SKI: variants seen among roughly 807,000 people sequenced by gnomAD.
SKI encodes SKI proto-oncogene.
In SKI, 23 loss-of-function variants were observed where a neutral mutation model predicts 59.3. The observed-to-expected ratio is 0.39, with a 90% CI of 0.28 to 0.55. SKI has a LOEUF of 0.55. Among genes scored for constraint, SKI ranks in the 20% least tolerant of loss-of-function variants. The pLI, the probability that SKI is intolerant of heterozygous loss-of-function variation, is 0.67. For synonymous variants in SKI, 673 were observed against 488.6 expected (o/e 1.38, Z -4.98); for missense variants, 1,017 against 1,038.9 (o/e 0.98, Z 0.29).
intron 1 of SKI, chr1:2,240,827 A>G (rs1638854762): frequency 1.0e-6 from 1 of 984,438 alleles, no homozygotes; most frequent in South Asian, 4.7e-5. Flanking sequence ...TCTTAGGAAA[A>G]TCCGTGCTGC....
chr1:2,274,692 T>G (rs2100860706), intron 1 of SKI, among the ~76,000 whole-genome samples: 1 of 152,076 alleles, frequency 6.6e-6, no homozygotes, highest in East Asian at 1.9e-4. Context: ...GCCATGACAG[T>G]TGGTTGATGG....
intron 1 of SKI, among the ~76,000 whole-genome samples, chr1:2,245,799 T>G (rs1235526816): frequency 7.7e-6 from 1 of 130,648 alleles, no homozygotes; most frequent in Non-Finnish European, 1.6e-5. Context: ...TTTTTTTTTT[T>G]TTTTTTTTTT....
At chr1:2,285,515 C>CA (rs200993485) in intron 1 of SKI, among the ~76,000 whole-genome samples, 3,060 of 149,450 alleles carry the variant, frequency 0.02, 151 homozygotes, top group East Asian at 0.2. Context: ...AAGTCTGTCT[C>CA]AAAAACAAAC....
At chr1:2,292,618 C>T (rs1640185397) in intron 1 of SKI, among the ~76,000 whole-genome samples, 1 of 152,186 alleles carries the variant, frequency 6.6e-6, no homozygotes, top group Non-Finnish European at 1.5e-5. Context: ...GGGCTGTGGT[C>T]ATCACCCACA....
At chr1:2,286,751 C>A (rs1640047427) in intron 1 of SKI, among the ~76,000 whole-genome samples, 1 of 152,186 alleles carries the variant, frequency 6.6e-6, no homozygotes, top group African/African-American at 2.4e-5. Context: ...CCCTCCCTCC[C>A]AAGGCTCCGG....
chr1:2,283,927 C>T (rs1639974181), intron 1 of SKI, among the ~76,000 whole-genome samples: 1 of 152,166 alleles, frequency 6.6e-6, no homozygotes, highest in Non-Finnish European at 1.5e-5. Flanking sequence ...TGTGGCGTCC[C>T]CTTCCTGCAG....
intron 1 of SKI, among the ~76,000 whole-genome samples, chr1:2,262,879 T>C (rs1639418038): frequency 6.6e-6 from 1 of 152,226 alleles, no homozygotes; most frequent in Non-Finnish European, 1.5e-5. Context: ...ATTATTATTT[T>C]AGAATATTGT....
At position 2,229,335 on chromosome 1, in the gene SKI, T is replaced by C; in HGVS notation, c.569T>C (p.Leu190Pro). 6.3e-7 allele frequency: 1 copy of C among 1,595,546 alleles called. No homozygotes were observed. Among genetic ancestry groups the C allele is most frequent in the Non-Finnish European group, 8.5e-7 (1 of 1,171,642 alleles). Reference protein sequence around the residue: ...TDAERLCNALLYGGAYPPPCK... With the variant: ...TDAERLCNALPYGGAYPPPCK... Reference sequence around the variant, plus strand: ...GCCGAGCGCCTGTGCAACGCGCTGCTCTACGGCGGCGCCTACCCGCCGCCC... The same window carrying C: ...GCCGAGCGCCTGTGCAACGCGCTGCCCTACGGCGGCGCCTACCCGCCGCCC... The change falls in exon 1 of 7, where the codon CTC becomes CCC. Residue 190 changes from leucine (L) to proline (P), a missense_variant. Leu to Pro is a moderately conservative substitution (Grantham distance 98, BLOSUM62 -3). Coordinates refer to ENST00000378536, the MANE Select transcript of SKI (RefSeq NM_003036.4). This position sits in a 1 kb window ranked among gnomAD's most constrained non-coding sequence, Gnocchi z 6.3.
At chr1:2,244,682 T>C (rs986084633) in intron 1 of SKI, among the ~76,000 whole-genome samples, 1 of 152,230 alleles carries the variant, frequency 6.6e-6, no homozygotes, top group Non-Finnish European at 1.5e-5. Flanking sequence ...TGCTTTTTGG[T>C]GGGTTGATTG....
At position 2,306,615 on chromosome 1, in the gene SKI, G is replaced by C. The variant is rs1189329416; in HGVS notation, c.2037G>C (p.Ala679=). 2 of 1,544,782 alleles carry C rather than the reference G, an allele frequency of 1.3e-6. No individual in the cohort carries two copies. The highest frequency in any genetic ancestry group is 1.4e-5 in the African/African-American group (1 of 72,752). Reference sequence around the variant, plus strand: ...AGGTGAAGCTGCAGCACGCGGAGGCGGACCGGGAGCAGCTGCGGGCCGACC... The same window carrying C: ...AGGTGAAGCTGCAGCACGCGGAGGCCGACCGGGAGCAGCTGCGGGCCGACC... The part of the protein sequence containing the change: ...DLQVKLQHAE[A]DREQLRADLL... Residue 679 remains alanine (A), a synonymous_variant, in exon 7 of 7, where the codon GCG becomes GCC. Coordinates refer to ENST00000378536, the MANE Select transcript of SKI (RefSeq NM_003036.4).
chr1:2,244,139 G>A (rs150121003), intron 1 of SKI, among the ~76,000 whole-genome samples: 14,008 of 151,852 alleles, frequency 0.092, 1,588 homozygotes, highest in East Asian at 0.6. Flanking sequence ...ATAATTTTTT[G>A]TATTTTTAGT....
At chr1:2,252,933 T>A (rs1639194244) in intron 1 of SKI, among the ~76,000 whole-genome samples, 1 of 151,914 alleles carries the variant, frequency 6.6e-6, no homozygotes, top group Non-Finnish European at 1.5e-5. Context: ...CCATCTCTAC[T>A]GAAAATACAA....
At chr1:2,238,794 C>G (rs1328433815) in intron 1 of SKI, among the ~76,000 whole-genome samples, 2 of 152,246 alleles carry the variant, frequency 1.3e-5, no homozygotes, top group African/African-American at 4.8e-5. Flanking sequence ...AGAACCTCCG[C>G]TGTCAGCGGG....
chr1:2,267,441 G>A lies in SKI; in HGVS notation c.970-35537G>A, dbSNP rs908719272. ...AGCAGGTGCGACAGGAATGTCCCACGTCCTCTCGTGTGCTGTCGGGAGACA... is the reference window on the plus strand; with the variant it reads ...AGCAGGTGCGACAGGAATGTCCCACATCCTCTCGTGTGCTGTCGGGAGACA... On this transcript the variant is annotated intron_variant, in intron 1 of 6. Coordinates refer to ENST00000378536, the MANE Select transcript of SKI (RefSeq NM_003036.4). The surrounding 1 kb of genome is among the most constrained non-coding windows in gnomAD (Gnocchi z 4.1). Among the ~76,000 whole-genome samples the A allele has an allele frequency of 1.3e-5, 2 of 152,220 alleles. No individual in the cohort carries two copies. Among genetic ancestry groups the A allele is most frequent in the African/African-American group, 4.8e-5 (2 of 41,450 alleles).
chr1:2,298,429 C>T (rs1640341723), intron 1 of SKI, among the ~76,000 whole-genome samples: 1 of 152,200 alleles, frequency 6.6e-6, no homozygotes, highest in Non-Finnish European at 1.5e-5. Context: ...TGGTCCCCGG[C>T]TCCTGGATTG....
rs191012047 is a variant in SKI at position 2,289,764 on chromosome 1, C to T, written c.970-13214C>T. 3.9e-3 allele frequency among the ~76,000 whole-genome samples: 594 copies of T among 152,296 alleles called. 2 individuals are homozygous for T. The highest frequency in any genetic ancestry group is 0.014 in the African/African-American group (576 of 41,570). On this transcript the variant is annotated intron_variant, in intron 1 of 6. Transcript: ENST00000378536. Reference sequence around the variant, plus strand: ...GGCCCCACAGCAGCATCTGGGTTGACGTCCCTGATGAGGTTTGGAAACAGC... The same window carrying T: ...GGCCCCACAGCAGCATCTGGGTTGATGTCCCTGATGAGGTTTGGAAACAGC...
intron 1 of SKI, among the ~76,000 whole-genome samples, chr1:2,265,842 C>T (rs1318084809): frequency 6.6e-6 from 1 of 152,018 alleles, no homozygotes; most frequent in Non-Finnish European, 1.5e-5. Flanking sequence ...GTGGTGCACA[C>T]CTGTAGTCCC....
intron 5 of SKI, among the ~76,000 whole-genome samples, chr1:2,305,506 A>T (rs1640547645): frequency 6.6e-6 from 1 of 152,038 alleles, no homozygotes; most frequent in Admixed American, 6.5e-5. Flanking sequence ...TGGAGGTGTG[A>T]TTTCCCACAT....
chr1:2,249,294 G>A (rs1315352002), intron 1 of SKI, among the ~76,000 whole-genome samples: 3 of 152,236 alleles, frequency 2.0e-5, no homozygotes, highest in East Asian at 1.9e-4. Context: ...GGCTGAGGAC[G>A]TGTGAGGCTC....
Sources: gnomAD v4.1 joint callset for allele counts (sites outside exome capture counted in the v4.1 genomes callset) on GRCh38, gnomAD v4.1.1 for gene constraint, Gnocchi (gnomAD v3.1) non-coding constraint, MANE v1.5 for transcripts, NCBI Gene and HGNC (gene_info 2026-07-23, HGNC 2026-07-21) for gene names.